Variants in PLCH1 observed in about 807,000 individuals in gnomAD.
PLCH1 encodes the protein 1-phosphatidylinositol 4,5-bisphosphate phosphodiesterase eta-1.
A neutral mutation model predicts 126.7 loss-of-function variants in PLCH1; 60 were observed. That is an observed-to-expected ratio of 0.47 (90% CI 0.38 to 0.59). PLCH1 has a LOEUF of 0.59. Among genes scored for constraint, PLCH1 ranks in the 20% least tolerant of loss-of-function variants. The pLI, the probability that PLCH1 is intolerant of heterozygous loss-of-function variation, is 0.00. For missense variants in PLCH1, 1,723 were observed against 2,040.0 expected, an observed-to-expected ratio of 0.84 and a Z score of 2.99; for synonymous variants, 719 against 734.9, an observed-to-expected ratio of 0.98 and a Z score of 0.35.
chr3:155,466,965 T>C (rs556583746), intron 21 of PLCH1, among the ~76,000 whole-genome samples: 2 of 152,034 alleles, frequency 1.3e-5, no homozygotes, highest in Admixed American at 1.3e-4. Flanking sequence ...AAAAAAATTA[T>C]AAAAAACAAT....
At chr3:155,727,332 A>C (rs1235708481) in intron 1 of PLCH1, among the ~76,000 whole-genome samples, 1 of 151,430 alleles carries the variant, frequency 6.6e-6, no homozygotes, top group Non-Finnish European at 1.5e-5. Context: ...GATTTCACCA[A>C]AAAAGGAAAA....
chr3:155,712,787 CT>C (rs947827542), intron 1 of PLCH1, among the ~76,000 whole-genome samples: 60 of 147,558 alleles, frequency 4.1e-4, no homozygotes, highest in African/African-American at 9.9e-4. Flanking sequence ...AGAAGGGGCC[CT>C]TTTTTTTTTC....
chr3:155,503,888 A>G (rs1718275597), intron 13 of PLCH1, among the ~76,000 whole-genome samples: 1 of 152,250 alleles, frequency 6.6e-6, no homozygotes, highest in Non-Finnish European at 1.5e-5. Context: ...AAGTCATAGT[A>G]CATAGTGCAG....
At chr3:155,645,107 C>T (rs1739868980) in intron 2 of PLCH1, among the ~76,000 whole-genome samples, 7 of 152,156 alleles carry the variant, frequency 4.6e-5, no homozygotes, top group Admixed American at 2.0e-4. Flanking sequence ...TCCTGATGTC[C>T]AATTGCCCCT....
At chr3:155,583,895 T>C (rs1424293737) in intron 5 of PLCH1, among the ~76,000 whole-genome samples, 1 of 143,556 alleles carries the variant, frequency 7.0e-6, no homozygotes, top group East Asian at 2.0e-4. Context: ...TGTAAATTTA[T>C]AAATCAACAA....
intron 21 of PLCH1, among the ~76,000 whole-genome samples, chr3:155,459,765 T>A (rs781343701): frequency 2.5e-4 from 38 of 152,136 alleles, no homozygotes; most frequent in Non-Finnish European, 4.0e-4. Context: ...CCCAGGTGGA[T>A]GTAATGACCA....
At chr3:155,729,433 T>C (rs1748587765) in intron 1 of PLCH1, among the ~76,000 whole-genome samples, 2 of 151,056 alleles carry the variant, frequency 1.3e-5, no homozygotes, top group South Asian at 4.2e-4. Flanking sequence ...TCCTGGAGAG[T>C]GGGATGTTGC....
rs549591945 is a variant in PLCH1 at position 155,515,636 on chromosome 3, T to C, written c.1471-752A>G. Among the ~76,000 whole-genome samples, 3 of 152,356 alleles carry C rather than the reference T, an allele frequency of 2.0e-5. No homozygotes were observed. The South Asian group carries it at 6.2e-4, about 32-fold the overall frequency. ...AGAATTTTGAGGTGATCATGGGATA[T>C]AGATTCTCTCAAAGTCCTGCTTAGC... On this transcript the variant is annotated intron_variant, in intron 11 of 22. Transcript: ENST00000460012.
intron 5 of PLCH1, 100 bp downstream of exon 5, chr3:155,585,965 T>C: frequency 2.1e-6 from 2 of 952,852 alleles, no homozygotes; most frequent in Non-Finnish European, 3.3e-6. Flanking sequence ...AGAGCACATA[T>C]ATTAGCTTCC....
chr3:155,706,152 G>C (rs1352452995), intron 1 of PLCH1, among the ~76,000 whole-genome samples: 1 of 111,576 alleles, frequency 9.0e-6, no homozygotes, highest in Non-Finnish European at 1.7e-5. Flanking sequence ...CCAGCCTGGT[G>C]ACAGAACAAG....
In PLCH1 at chr3:155,588,736, C is replaced by G. The variant is rs183422641; in HGVS notation, c.471-2542G>C. Among the ~76,000 whole-genome samples, 1,302 of 152,246 alleles carry G rather than the reference C, an allele frequency of 8.6e-3. 12 individuals are homozygous for G. Among genetic ancestry groups the G allele is most frequent in the Non-Finnish European group, 0.011 (766 of 68,024 alleles). On this transcript the variant is annotated intron_variant, in intron 4 of 22. Transcript: ENST00000460012. ...GTTTAGGGAACTGGTAAAGTAAAAA[C>G]AGAGGCAGAATCAAACCAAGAAATG...
intron 2 of PLCH1, among the ~76,000 whole-genome samples, chr3:155,685,844 G>A (rs1032763136): frequency 3.9e-5 from 6 of 152,124 alleles, no homozygotes; most frequent in African/African-American, 1.4e-4. Context: ...ATTAAACCAA[G>A]CACAGGGCCC....
At chr3:155,452,245 T>C (rs180842386) in intron 21 of PLCH1, among the ~76,000 whole-genome samples, 1 of 152,262 alleles carries the variant, frequency 6.6e-6, no homozygotes, top group Non-Finnish European at 1.5e-5. Context: ...CAAAAATCCT[T>C]GATAAAACCA....
intron 10 of PLCH1, among the ~76,000 whole-genome samples, chr3:155,537,156 A>G (rs1398954663): frequency 6.7e-5 from 10 of 148,948 alleles, no homozygotes; most frequent in African/African-American, 2.3e-4. Context: ...AAAAATGCTG[A>G]GAGAATTCGC....
chr3:155,670,325 T>C (rs1274131890), intron 2 of PLCH1, among the ~76,000 whole-genome samples: 6 of 152,202 alleles, frequency 3.9e-5, no homozygotes, highest in African/African-American at 1.4e-4. Flanking sequence ...GCCCTGCTTG[T>C]ATATTTTCTC....
At chr3:155,476,724 A>G (rs1449484692), downstream of PLCH1, among the ~76,000 whole-genome samples, 1 of 152,102 alleles carries the variant, frequency 6.6e-6, no homozygotes, top group Non-Finnish European at 1.5e-5. Context: ...AATGAAAACT[A>G]TAAAACACTG....
chr3:155,719,909 T>C (rs1577365111), intron 1 of PLCH1, among the ~76,000 whole-genome samples: 1 of 151,984 alleles, frequency 6.6e-6, no homozygotes, highest in South Asian at 2.1e-4. Context: ...AATTCTCCTG[T>C]CTCAGCTTCC....
At chr3:155,607,951 A>G (rs535096906) in intron 2 of PLCH1, among the ~76,000 whole-genome samples, 1 of 152,192 alleles carries the variant, frequency 6.6e-6, no homozygotes, top group African/African-American at 2.4e-5. Context: ...CTCACTCTGT[A>G]AATTCCACGA....
chr3:155,534,980 T>C (rs1723162114), intron 10 of PLCH1, among the ~76,000 whole-genome samples: 1 of 152,254 alleles, frequency 6.6e-6, no homozygotes, highest in Non-Finnish European at 1.5e-5. Flanking sequence ...ATAATTTCTC[T>C]GTGTCAGGTA....
Sources: gnomAD v4.1 joint callset for allele counts (sites outside exome capture counted in the v4.1 genomes callset) on GRCh38, gnomAD v4.1.1 for gene constraint, MANE v1.5 for transcripts, NCBI Gene and HGNC (gene_info 2026-07-23, HGNC 2026-07-21) for gene names.